The following AGBL4 variants were observed in gnomAD, a reference collection of about 807,000 sequenced individuals.
The protein encoded by AGBL4 is cytosolic carboxypeptidase 6.
Under a neutral mutation model 66.4 loss-of-function variants are expected in AGBL4, and 58 were observed. The ratio of observed to expected loss-of-function variants is 0.87; its 90% CI spans 0.71 to 1.09. AGBL4 has a LOEUF of 1.09. AGBL4 is among the 50% of genes least tolerant of loss of function. The pLI is 0.00. For synonymous variants in AGBL4, 234 were observed against 222.9 expected, an observed-to-expected ratio of 1.05 and a Z score of -0.44; for missense variants, 579 against 631.0, an observed-to-expected ratio of 0.92 and a Z score of 0.88.
At chr1:49,977,243 C>T (rs1239774285) in intron 1 of AGBL4, among the ~76,000 whole-genome samples, 1 of 151,038 alleles carries the variant, frequency 6.6e-6, no homozygotes, top group African/African-American at 2.4e-5. Context: ...ATGGGCTTCA[C>T]CTCCCTTCTT....
At chr1:49,334,352 G>T (rs1645393321) in intron 3 of AGBL4, among the ~76,000 whole-genome samples, 1 of 152,098 alleles carries the variant, frequency 6.6e-6, no homozygotes, top group African/African-American at 2.4e-5. Flanking sequence ...TAAAAATTTG[G>T]AAGGTGATTT....
At chr1:49,454,759 G>A (rs1433921157) in intron 3 of AGBL4, among the ~76,000 whole-genome samples, 1 of 151,602 alleles carries the variant, frequency 6.6e-6, no homozygotes, top group East Asian at 1.9e-4. Context: ...GTCATTAGGT[G>A]AGTCTCATAA....
chr1:49,939,827 C>CT (rs1654548661), intron 1 of AGBL4, among the ~76,000 whole-genome samples: 1 of 152,080 alleles, frequency 6.6e-6, no homozygotes, highest in Non-Finnish European at 1.5e-5. Flanking sequence ...AAAGCAATGG[C>CT]AACAAAAGCC....
In AGBL4 at chr1:48,628,231, A is replaced by G. The variant is rs889251448; in HGVS notation, c.951+6262T>C. Among the ~76,000 whole-genome samples, 7 of 152,164 alleles carry G rather than the reference A, an allele frequency of 4.6e-5. No individual in the cohort carries two copies. The South Asian group carries it at 1.4e-3, about 32-fold the overall frequency. The stretch of plus-strand genomic sequence containing the variant: ...CAGGCCCACTGAAAGAATTTAAAGC[A>G]GGGAAGACAGACCCAGGTGGATTTA... On this transcript the variant is annotated intron_variant, in intron 9 of 13. Transcript: ENST00000371839.
intron 3 of AGBL4, among the ~76,000 whole-genome samples, chr1:49,540,800 T>C (rs1651949256): frequency 6.6e-6 from 1 of 152,218 alleles, no homozygotes; most frequent in Non-Finnish European, 1.5e-5. Context: ...TTTATATACC[T>C]TTCCTAGCCT....
At chr1:49,964,885 T>C (rs1038856293) in intron 1 of AGBL4, among the ~76,000 whole-genome samples, 2 of 152,184 alleles carry the variant, frequency 1.3e-5, no homozygotes, top group African/African-American at 4.8e-5. Context: ...TTAGATTATT[T>C]TTATTTATAA....
chr1:49,900,129 T>C (rs765607064), intron 1 of AGBL4, among the ~76,000 whole-genome samples: 23 of 152,218 alleles, frequency 1.5e-4, no homozygotes, highest in Non-Finnish European at 3.1e-4. Context: ...AGAGTGACAC[T>C]AAGCAGGCTT....
chr1:49,138,437 T>A (rs1188852885), intron 4 of AGBL4, among the ~76,000 whole-genome samples: 1 of 152,188 alleles, frequency 6.6e-6, no homozygotes, highest in Non-Finnish European at 1.5e-5. Context: ...ACCAAAATAC[T>A]GAGTAATCCA....
intron 1 of AGBL4, among the ~76,000 whole-genome samples, chr1:50,016,425 G>C (rs1393873101): frequency 6.6e-6 from 1 of 152,152 alleles, no homozygotes; most frequent in Non-Finnish European, 1.5e-5. Flanking sequence ...AGCCAGGCAT[G>C]GTGGTGTGTG....
rs903012058 is a variant in AGBL4 at position 49,568,526 on chromosome 1, T to C, written c.282+128787A>G. ...ACACACACACACACACACACACAAA[T>C]GCCATGCTCATGGAAAGGAAGAATC... On this transcript the variant is annotated intron_variant, in intron 3 of 13. Transcript: ENST00000371839. Among the ~76,000 whole-genome samples, 379 of 50,524 alleles carry C rather than the reference T, an allele frequency of 7.5e-3. 2 individuals carry two copies. The highest frequency in any genetic ancestry group is 0.033 in the Middle Eastern group (2 of 60). 33.1% of individuals were successfully genotyped at this position (50,524 alleles called of 152,430 possible).
intron 7 of AGBL4, among the ~76,000 whole-genome samples, chr1:48,660,872 T>C (rs1394637491): frequency 6.6e-6 from 1 of 152,198 alleles, no homozygotes; most frequent in Non-Finnish European, 1.5e-5. Flanking sequence ...CTTCACCTTC[T>C]AGTAGTTCCC....
At chr1:49,971,519 A>G (rs987412346) in intron 1 of AGBL4, among the ~76,000 whole-genome samples, 6 of 152,206 alleles carry the variant, frequency 3.9e-5, no homozygotes. Context: ...TCTCAGCTTA[A>G]TAAGGAAAGA....
At chr1:49,745,444 A>C (rs1040793389) in intron 2 of AGBL4, among the ~76,000 whole-genome samples, 15 of 151,980 alleles carry the variant, frequency 9.9e-5, no homozygotes, top group Non-Finnish European at 2.1e-4. Context: ...GTAAGGGTTA[A>C]ATTTTCTTGT....
At chr1:49,954,149 C>A (rs1451449161) in intron 1 of AGBL4, among the ~76,000 whole-genome samples, 7 of 151,928 alleles carry the variant, frequency 4.6e-5, no homozygotes, top group African/African-American at 1.7e-4. Flanking sequence ...TCTGTCTTAG[C>A]ATCCCAAAGT....
At chr1:49,961,110 T>C (rs1187413959) in intron 1 of AGBL4, among the ~76,000 whole-genome samples, 1 of 152,070 alleles carries the variant, frequency 6.6e-6, no homozygotes, top group African/African-American at 2.4e-5. Flanking sequence ...CATAGAAAGA[T>C]ATAATTAGAT....
At chr1:49,516,907 T>A (rs1418628689) in intron 3 of AGBL4, among the ~76,000 whole-genome samples, 1 of 152,102 alleles carries the variant, frequency 6.6e-6, no homozygotes, top group Non-Finnish European at 1.5e-5. Flanking sequence ...CATTTCTGAA[T>A]GATTTTATAA....
At chr1:49,189,027 A>C (rs1379083508) in intron 4 of AGBL4, among the ~76,000 whole-genome samples, 1 of 152,184 alleles carries the variant, frequency 6.6e-6, no homozygotes, top group Admixed American at 6.5e-5. Flanking sequence ...AGGAAGAAGT[A>C]CTGTGATCAA....
At chr1:48,534,427 G>A (rs1410724026) in intron 13 of AGBL4, 134 bp from the exon 14 acceptor site, 15 of 1,257,258 alleles carry the variant, frequency 1.2e-5, no homozygotes, top group African/African-American at 1.5e-5. Context: ...TCTTCCCACA[G>A]ACACTAAAGG....
rs371750322 is a variant in AGBL4 at position 49,276,175 on chromosome 1, TAGA to T, written c.283-30314_283-30312del. Among the ~76,000 whole-genome samples the T allele has an allele frequency of 1.9e-3, 283 of 152,084 alleles. 1 individual carries two copies. The highest frequency in any genetic ancestry group is 6.4e-3 in the African/African-American group (265 of 41,514). On this transcript the variant is annotated intron_variant, in intron 3 of 13. Coordinates refer to ENST00000371839, the MANE Select transcript of AGBL4 (RefSeq NM_032785.4). ...CTAGCTCATCTACAAGATCACCTCC[TAGA>T]AGGAGATTCAATTATTTAACCAAAC... is the stretch of plus-strand genomic sequence containing the variant.
Sources: allele counts gnomAD v4.1 joint callset (sites outside exome capture counted in the v4.1 genomes callset), GRCh38; gene constraint gnomAD v4.1.1; transcripts MANE v1.5; gene names NCBI Gene and HGNC (gene_info 2026-07-23, HGNC 2026-07-21).